Variants in TNS3 observed in about 807,000 individuals in gnomAD.
TNS3 encodes tensin 3.
TNS3 carries 45 observed loss-of-function variants against 140.9 expected under a neutral mutation model. That is an observed-to-expected ratio of 0.32 (90% CI 0.25 to 0.41). The LOEUF is 0.41. TNS3 is among the 10% of genes least tolerant of loss of function. The probability of loss-of-function intolerance (pLI) is 1.00; values close to 1 mark genes in which losing one functional copy is unlikely to be tolerated. For missense variants in TNS3, 1,716 were observed against 1,906.7 expected, an observed-to-expected ratio of 0.90 and a Z score of 1.86; for synonymous variants, 815 against 788.4, an observed-to-expected ratio of 1.03 and a Z score of -0.56.
rs190059428 is a variant in TNS3, at chr7:47,369,063, T to C, written c.1583A>G (p.Asn528Ser). ...NSLLSDGFGS[N>S]VGEDPQGTLV... ...GGTGCCCTGCGGATCTTCACCAACG[T>C]TGCTGCCAAAACCGTCAGATAGGAG... Residue 528 changes from asparagine to serine, a missense_variant, in exon 17 of 31, where the codon AAC becomes AGC. Physicochemically the swap from Asn to Ser is conservative, Grantham distance 46 (BLOSUM62 1). Transcript: ENST00000311160. 25 of 1,614,086 alleles carry C rather than the reference T, an allele frequency of 1.5e-5. No individual in the cohort carries two copies. In the Admixed American group the frequency reaches 3.2e-4, roughly 20 times the overall value.
At chr7:47,537,096 G>A (rs1001071604) in intron 1 of TNS3, among the ~76,000 whole-genome samples, 6 of 151,798 alleles carry the variant, frequency 4.0e-5, no homozygotes, top group African/African-American at 1.5e-4. Context: ...GGGTCAGGGC[G>A]CGCAGCCTCA....
intron 1 of TNS3, among the ~76,000 whole-genome samples, chr7:47,574,370 C>T (rs1171856045): frequency 6.6e-6 from 1 of 152,024 alleles, no homozygotes; most frequent in Non-Finnish European, 1.5e-5. Flanking sequence ...GGTTTTTACC[C>T]TGGGGGTGAT....
chr7:47,476,123 A>G (rs1200527079), intron 4 of TNS3, among the ~76,000 whole-genome samples: 1 of 152,222 alleles, frequency 6.6e-6, no homozygotes, highest in Non-Finnish European at 1.5e-5. Context: ...GTGTCACACT[A>G]GCACTGAGGA....
chr7:47,530,498 G>A (rs1185123991), intron 1 of TNS3, among the ~76,000 whole-genome samples: 2 of 151,828 alleles, frequency 1.3e-5, no homozygotes, highest in Admixed American at 6.6e-5. Flanking sequence ...AAACCAGGAG[G>A]AAAACTATAA....
At chr7:47,545,446 ATC>A (rs1325267400) in intron 1 of TNS3, among the ~76,000 whole-genome samples, 6 of 148,238 alleles carry the variant, frequency 4.0e-5, no homozygotes, top group African/African-American at 1.6e-4. Context: ...TCCCATAGAA[ATC>A]TCTGTTACTG....
At chr7:47,475,831 C>G (rs1210448141) in intron 4 of TNS3, among the ~76,000 whole-genome samples, 3 of 152,214 alleles carry the variant, frequency 2.0e-5, no homozygotes, top group Non-Finnish European at 4.4e-5. Flanking sequence ...CTGCAACTAC[C>G]AAGGACAGAC....
intron 27 of TNS3, among the ~76,000 whole-genome samples, chr7:47,284,255 T>C (rs944879270): frequency 1.3e-5 from 2 of 152,148 alleles, no homozygotes; most frequent in African/African-American, 2.4e-5. Flanking sequence ...GTCACATTAA[T>C]ATGAAACCCA....
chr7:47,520,784 T>C (rs1364938434), intron 2 of TNS3, among the ~76,000 whole-genome samples: 1 of 152,114 alleles, frequency 6.6e-6, no homozygotes, highest in Admixed American at 6.5e-5. Context: ...TGTTGCCACC[T>C]CTCTGGATGG....
At chr7:47,352,549 A>G (rs1789748110) in intron 17 of TNS3, among the ~76,000 whole-genome samples, 1 of 152,158 alleles carries the variant, frequency 6.6e-6, no homozygotes, top group Non-Finnish European at 1.5e-5. Context: ...TGTGTCAAAC[A>G]AGCCCTTCTC....
chr7:47,550,783 G>A (rs1800040033), intron 1 of TNS3, among the ~76,000 whole-genome samples: 1 of 152,044 alleles, frequency 6.6e-6, no homozygotes, highest in African/African-American at 2.4e-5. Context: ...ACATAGAATG[G>A]GATTCGAATA....
chr7:47,364,186 G>T (rs1207310721), intron 17 of TNS3, among the ~76,000 whole-genome samples: 2 of 151,788 alleles, frequency 1.3e-5, no homozygotes, highest in East Asian at 3.9e-4. Flanking sequence ...AATCAAAAGA[G>T]TTCCAGTGTT....
chr7:47,305,369 C>T (rs1180741804), intron 20 of TNS3, among the ~76,000 whole-genome samples: 1 of 152,274 alleles, frequency 6.6e-6, no homozygotes, highest in Non-Finnish European at 1.5e-5. Flanking sequence ...ATGTACTCTC[C>T]ACTCCATGAT....
At chr7:47,431,311 C>T (rs187962131) in intron 8 of TNS3, among the ~76,000 whole-genome samples, 1 of 152,114 alleles carries the variant, frequency 6.6e-6, no homozygotes, top group East Asian at 1.9e-4. Flanking sequence ...AACCTAATGT[C>T]AGGCAGGGCG....
intron 20 of TNS3, among the ~76,000 whole-genome samples, chr7:47,334,730 T>G (rs1389423007): frequency 6.7e-6 from 1 of 150,026 alleles, no homozygotes; most frequent in Non-Finnish European, 1.5e-5. Context: ...TGCCTCAGCC[T>G]CCCGAGTAGC....
chr7:47,394,356 C>A (rs1792703295), intron 16 of TNS3, among the ~76,000 whole-genome samples: 1 of 152,226 alleles, frequency 6.6e-6, no homozygotes, highest in African/African-American at 2.4e-5. Context: ...CCTCTCCTCA[C>A]CACCACGTGG....
intron 1 of TNS3, among the ~76,000 whole-genome samples, chr7:47,556,849 C>T (rs1482483228): frequency 6.6e-6 from 1 of 152,216 alleles, no homozygotes; most frequent in East Asian, 1.9e-4. Context: ...GTCTTTGGTA[C>T]AGTGAGCATG....
At chr7:47,322,886 G>A (rs12537098) in intron 20 of TNS3, among the ~76,000 whole-genome samples, 40,101 of 151,958 alleles carry the variant, frequency 0.26, 5,744 homozygotes, top group South Asian at 0.34. Flanking sequence ...GCTCTATCTG[G>A]CACATGGCCA....
At chr7:47,571,493 C>T (rs1173015238) in intron 1 of TNS3, among the ~76,000 whole-genome samples, 2 of 111,120 alleles carry the variant, frequency 1.8e-5, no homozygotes, top group Non-Finnish European at 3.6e-5. Flanking sequence ...GTATGGGAAA[C>T]GGAAAAGCTG....
intron 9 of TNS3, among the ~76,000 whole-genome samples, chr7:47,424,839 C>T (rs1048836967): frequency 6.6e-6 from 1 of 152,218 alleles, no homozygotes; most frequent in Non-Finnish European, 1.5e-5. Context: ...AGTAACCCTG[C>T]TTTCCAACAA....
Sources: gnomAD v4.1 joint callset for allele counts (sites outside exome capture counted in the v4.1 genomes callset) on GRCh38, gnomAD v4.1.1 for gene constraint, MANE v1.5 for transcripts, NCBI Gene and HGNC (gene_info 2026-07-23, HGNC 2026-07-21) for gene names.